Variants in SASH1 observed in about 807,000 individuals in gnomAD.
SASH1 encodes SAM and SH3 domain containing 1, also known as SAM and SH3 domain-containing protein 1.
Under a neutral mutation model 125.2 loss-of-function variants are expected in SASH1, and 44 were observed. That is an observed-to-expected ratio of 0.35 (90% CI 0.28 to 0.45). The LOEUF (loss-of-function observed/expected upper bound fraction) is 0.45. Among genes scored for constraint, SASH1 ranks in the 20% least tolerant of loss-of-function variants. The pLI is 1.00. For synonymous variants in SASH1, 639 were observed against 649.1 expected, an observed-to-expected ratio of 0.98 and a Z score of 0.24; for missense variants, 1,426 against 1,614.5, an observed-to-expected ratio of 0.88 and a Z score of 2.00.
rs1778438194 is a variant in SASH1 at position 148,477,842 on chromosome 6, T to C, written c.627+3620T>C. Among the ~76,000 whole-genome samples the C allele has an allele frequency of 1.3e-5, 2 of 151,542 alleles. 1 individual carries two copies. The highest frequency in any genetic ancestry group is 4.2e-4 in the South Asian group (2 of 4,770). ...CCTCCCGAGAAGCTGGGATTACAGG[T>C]CCCACCACCATGCCTGGCTAATTTT... On this transcript the variant is annotated intron_variant, in intron 7 of 19. Coordinates refer to ENST00000367467, the MANE Select transcript of SASH1 (RefSeq NM_015278.5).
chr6:148,514,462 A>T lies in SASH1; in HGVS notation c.862+6A>T. On this transcript the variant is annotated splice_donor_region_variant and intron_variant, in intron 9 of 19. Transcript: ENST00000367467. ...GAAAAAACCCAGCACTGAAGGTAAA[A>T]AAAAAAAAAAAAAAAAAAAAAAAAG... 1 of 552,780 alleles carries T rather than the reference A, an allele frequency of 1.8e-6. No individual in the cohort carries two copies. Among genetic ancestry groups the T allele is most frequent in the Non-Finnish European group, 2.4e-6 (1 of 423,664 alleles). The allele number at this position is 552,780 out of a possible 1,614,324, so 34.2% of individuals were successfully genotyped here. A position where few individuals can be genotyped will look rare whatever the true frequency, so the allele number is the denominator to read the frequency against.
At chr6:148,376,984 A>C (rs879138211) in intron 1 of SASH1, among the ~76,000 whole-genome samples, 4 of 150,752 alleles carry the variant, frequency 2.7e-5, no homozygotes, top group Non-Finnish European at 5.9e-5. Context: ...TCCCGGCTAA[A>C]ACGGTGAAAC....
intron 4 of SASH1, among the ~76,000 whole-genome samples, chr6:148,455,680 A>T (rs1777306777): frequency 6.6e-6 from 1 of 152,220 alleles, no homozygotes; most frequent in South Asian, 2.1e-4. Flanking sequence ...TATTTATAAC[A>T]TATACAAATT....
At chr6:148,206,793 G>GCACACACACACACACA in the SASH1 span, among the ~76,000 whole-genome samples, 395 of 134,542 alleles carry the variant, frequency 2.9e-3, 5 homozygotes, top group African/African-American at 0.01. Context: ...CCATCTCAAA[G>GCACACACACACACACA]CACACACACA....
At chr6:148,418,474 G>C (rs1003714196) in intron 2 of SASH1, among the ~76,000 whole-genome samples, 26 of 152,164 alleles carry the variant, frequency 1.7e-4, no homozygotes, top group Non-Finnish European at 3.4e-4. Context: ...TCTTTCTCCT[G>C]CTTTGTCAGT....
chr6:148,284,999 G>T (rs1201533091), intron 1 of SASH1, among the ~76,000 whole-genome samples: 1 of 152,096 alleles, frequency 6.6e-6, no homozygotes, highest in Non-Finnish European at 1.5e-5. Flanking sequence ...ACAAGTGCAT[G>T]CCCATTACCC....
intron 2 of SASH1, among the ~76,000 whole-genome samples, chr6:148,402,649 C>T (rs976371127): frequency 1.5e-4 from 21 of 142,800 alleles, no homozygotes; most frequent in African/African-American, 5.0e-4. Flanking sequence ...GAGTCTCGCT[C>T]GGTCGCCCAG....
chr6:148,269,362 T>G (rs867987366), upstream of SASH1, among the ~76,000 whole-genome samples: 1 of 152,050 alleles, frequency 6.6e-6, no homozygotes, highest in Non-Finnish European at 1.5e-5. Flanking sequence ...ACAAACCTCC[T>G]AGGCTCAAGC....
chr6:148,449,775 G>A (rs778861957), intron 4 of SASH1, among the ~76,000 whole-genome samples: 7 of 152,180 alleles, frequency 4.6e-5, no homozygotes, highest in Non-Finnish European at 1.0e-4. Flanking sequence ...TGGCTTCCGG[G>A]GAGGGCCGTC....
At chr6:148,446,324 G>T (rs1181055062) in intron 4 of SASH1, among the ~76,000 whole-genome samples, 3 of 151,956 alleles carry the variant, frequency 2.0e-5, no homozygotes, top group South Asian at 4.2e-4. Context: ...TAGCCAGGAT[G>T]GTCTTGATCT....
intron 1 of SASH1, among the ~76,000 whole-genome samples, chr6:148,279,013 G>A (rs943108124): frequency 6.6e-6 from 1 of 151,310 alleles, no homozygotes; most frequent in Non-Finnish European, 1.5e-5. Flanking sequence ...TTTTAATAGA[G>A]GCAGAGTCTC....
intron 1 of SASH1, among the ~76,000 whole-genome samples, chr6:148,368,597 G>A (rs903267807): frequency 1.3e-5 from 2 of 152,160 alleles, no homozygotes; most frequent in Non-Finnish European, 2.9e-5. Flanking sequence ...TAGCCATGTG[G>A]CAGTGGACAT....
At chr6:148,287,084 T>A (rs1442034944) in intron 1 of SASH1, among the ~76,000 whole-genome samples, 1 of 152,112 alleles carries the variant, frequency 6.6e-6, no homozygotes, top group Non-Finnish European at 1.5e-5. Context: ...GTGCCGTTCT[T>A]GCCCCAGGTC....
At chr6:148,336,935 CTAAT>C in intron 1 of SASH1, among the ~76,000 whole-genome samples, 1 of 152,308 alleles carries the variant, frequency 6.6e-6, no homozygotes, top group Non-Finnish European at 1.5e-5. Flanking sequence ...CAGCGGAAAA[CTAAT>C]TACATTTCGT....
chr6:148,499,609 C>T (rs1779479939), intron 8 of SASH1, among the ~76,000 whole-genome samples: 2 of 151,984 alleles, frequency 1.3e-5, no homozygotes, highest in African/African-American at 4.8e-5. Context: ...TCCAGCAAGC[C>T]CCAGCAAAGA....
chr6:148,506,760 C>G (rs56068483), intron 8 of SASH1, among the ~76,000 whole-genome samples: 2,077 of 152,130 alleles, frequency 0.014, 45 homozygotes, highest in African/African-American at 0.047. Flanking sequence ...TATCCTGTAA[C>G]GAAGGAATTT....
At chr6:148,197,069 G>A in the SASH1 span, among the ~76,000 whole-genome samples, 4 of 152,194 alleles carry the variant, frequency 2.6e-5, no homozygotes, top group African/African-American at 9.7e-5. Context: ...CTTAGACTGG[G>A]TAGGACATGG....
At chr6:148,230,899 C>G in the SASH1 span, among the ~76,000 whole-genome samples, 10 of 152,128 alleles carry the variant, frequency 6.6e-5, no homozygotes, top group Non-Finnish European at 1.5e-5. Flanking sequence ...AATATATGAT[C>G]TGCAAATATT....
intron 8 of SASH1, among the ~76,000 whole-genome samples, chr6:148,512,097 C>T (rs1260794099): frequency 6.6e-6 from 1 of 152,150 alleles, no homozygotes; most frequent in African/African-American, 2.4e-5. Flanking sequence ...CGGCTCCCTG[C>T]AAGCTCCGCC....
Sources: allele counts gnomAD v4.1 joint callset (sites outside exome capture counted in the v4.1 genomes callset), GRCh38; gene constraint gnomAD v4.1.1; transcripts MANE v1.5; gene names NCBI Gene and HGNC (gene_info 2026-07-23, HGNC 2026-07-21).